Variants in FOCAD observed in about 807,000 individuals in gnomAD.
FOCAD encodes the protein focadhesin.
A neutral mutation model predicts 225.6 loss-of-function variants in FOCAD; 198 were observed. The observed-to-expected ratio is 0.88, with a 90% CI of 0.78 to 0.99. The LOEUF is 0.99. Ranked by LOEUF, FOCAD falls within the 50% of genes least tolerant of loss-of-function variation. FOCAD has a pLI of 0.00. For synonymous variants in FOCAD, 897 were observed against 755.0 expected (o/e 1.19, Z -3.08); for missense variants, 2,713 against 2,123.6 (o/e 1.28, Z -5.46).
In FOCAD at chr9:20,944,617, G is replaced by T; in HGVS notation, c.3408-10G>T. ...ATGATCCTAACATCTTATCTTTTTT[G>T]GCTTCCAAGCACGGGCTGTATATTG... On this transcript the variant is annotated splice_polypyrimidine_tract_variant and intron_variant, in intron 28 of 43. Transcript: ENST00000338382. The T allele has an allele frequency of 2.5e-6, 4 of 1,602,236 alleles. No individual in the cohort carries two copies. The South Asian group carries it at 3.4e-5, about 13-fold the overall frequency.
intron 15 of FOCAD, among the ~76,000 whole-genome samples, chr9:20,843,815 A>G (rs1207391392): frequency 6.6e-6 from 1 of 152,174 alleles, no homozygotes; most frequent in Non-Finnish European, 1.5e-5. Flanking sequence ...AGTGGCTGCC[A>G]CTTAATAAAT....
At chr9:20,666,221 T>C (rs750523983) in intron 2 of FOCAD, among the ~76,000 whole-genome samples, 2 of 152,202 alleles carry the variant, frequency 1.3e-5, no homozygotes, top group East Asian at 1.9e-4. Context: ...CATATTATTA[T>C]GCATTCTATA....
At chr9:20,731,130 CG>C (rs966086896) in intron 4 of FOCAD, among the ~76,000 whole-genome samples, 12 of 152,044 alleles carry the variant, frequency 7.9e-5, no homozygotes, top group Admixed American at 7.9e-4. Context: ...CCCTCCTACT[CG>C]GGAGGCTGAG....
chr9:20,872,133 A>T (rs958737301), intron 18 of FOCAD, among the ~76,000 whole-genome samples: 2 of 152,166 alleles, frequency 1.3e-5, no homozygotes, highest in Admixed American at 1.3e-4. Context: ...GCTAAAATTT[A>T]TGCACATTTG....
At chr9:20,861,396 CT>C (rs1262849286) in intron 15 of FOCAD, among the ~76,000 whole-genome samples, 1 of 152,162 alleles carries the variant, frequency 6.6e-6, no homozygotes, top group African/African-American at 2.4e-5. Context: ...AGAGTTACTT[CT>C]TTGTGTAAAT....
chr9:20,812,470 C>T (rs931307218), intron 11 of FOCAD, among the ~76,000 whole-genome samples: 1 of 151,808 alleles, frequency 6.6e-6, no homozygotes, highest in Non-Finnish European at 1.5e-5. Context: ...TCTTTTTTTG[C>T]AGCCTCATGA....
In FOCAD at chr9:20,813,409, A is replaced by AT. The variant is rs1028330348; in HGVS notation, c.1456-6379dup. On this transcript the variant is annotated intron_variant, in intron 11 of 43. Transcript: ENST00000338382. ...TCGATCATAGAGTAGATTAAAAAAA[A>AT]TTTTTTTTGAGGAACCTTCATGCTG... is the stretch of plus-strand genomic sequence containing the variant. 7.6e-4 allele frequency among the ~76,000 whole-genome samples: 115 copies of AT among 152,064 alleles called. 1 individual carries two copies. The highest frequency in any genetic ancestry group is 1.5e-3 in the Non-Finnish European group (99 of 67,940).
intron 11 of FOCAD, among the ~76,000 whole-genome samples, chr9:20,804,416 G>A (rs1242327231): frequency 6.6e-6 from 1 of 151,990 alleles, no homozygotes; most frequent in East Asian, 1.9e-4. Flanking sequence ...AAGCCGGGGA[G>A]GGTTCAGACA....
intron 19 of FOCAD, among the ~76,000 whole-genome samples, chr9:20,879,613 G>C (rs1830503963): frequency 6.6e-6 from 1 of 152,126 alleles, no homozygotes; most frequent in Non-Finnish European, 1.5e-5. Flanking sequence ...ATTTATGTCT[G>C]ACACTTTGTG....
Position 20,778,645 on chromosome 9 carries a change from CTTTA to C in FOCAD, c.907-35_907-32del. The C allele has an allele frequency of 4.1e-6, 5 of 1,224,700 alleles. No homozygotes were observed. In the Admixed American group the frequency reaches 8.6e-5, roughly 21 times the overall value. The allele number at this position is 1,224,700 out of a possible 1,614,324, so 75.9% of individuals were successfully genotyped here. On this transcript the variant is annotated intron_variant, in intron 8 of 43. Transcript: ENST00000338382. ...TACAAAGCCATGATTCTGGGAACTTCTTTAACAACTCCTTTTTCCCCCTCTATTC... is the reference window on the plus strand; with the variant it reads ...TACAAAGCCATGATTCTGGGAACTTCACAACTCCTTTTTCCCCCTCTATTC...
chr9:20,753,542 T>G (rs1165284245), intron 5 of FOCAD, among the ~76,000 whole-genome samples: 1 of 151,906 alleles, frequency 6.6e-6, no homozygotes, highest in Non-Finnish European at 1.5e-5. Flanking sequence ...CTTTTTGATG[T>G]GCTGCTGGAT....
In FOCAD at chr9:20,971,072, C is replaced by G. The variant is rs559820562; in HGVS notation, c.4133-5348C>G. On this transcript the variant is annotated intron_variant, in intron 35 of 43. Transcript: ENST00000338382. ...GACTTCTCAAAATTGTAAAGTTTGTCTGTCTTCTTTCTCTCTGAAGGCTCT... is the reference window on the plus strand; with the variant it reads ...GACTTCTCAAAATTGTAAAGTTTGTGTGTCTTCTTTCTCTCTGAAGGCTCT... Among the ~76,000 whole-genome samples, 32 of 152,196 alleles carry G rather than the reference C, an allele frequency of 2.1e-4. 2 individuals are homozygous for G. The South Asian group carries it at 6.4e-3, about 31-fold the overall frequency.
Position 20,720,447 on chromosome 9 carries a change from G to C in FOCAD, c.200G>C (p.Cys67Ser), listed in dbSNP as rs1207788018. The change falls in exon 4 of 44, where the codon TGT (cysteine) becomes TCT (serine). Residue 67 changes from cysteine to serine, a missense_variant. Physicochemically the swap from Cys to Ser is moderately radical, Grantham distance 112. Coordinates refer to ENST00000338382, the MANE Select transcript of FOCAD (RefSeq NM_001375567.1). ...SDNVVVRTAC[C>S]EGLVALVAQD... ...AATGTAGTGGTTCGAACAGCCTGCTGTGAAGGTCTGGTGGCACTCGTTGCT... is the reference window on the plus strand; with the variant it reads ...AATGTAGTGGTTCGAACAGCCTGCTCTGAAGGTCTGGTGGCACTCGTTGCT... 2.5e-6 allele frequency: 4 copies of C among 1,614,042 alleles called. No homozygotes were observed. The highest frequency in any genetic ancestry group is 2.2e-5 in the East Asian group (1 of 44,886).
intron 11 of FOCAD, among the ~76,000 whole-genome samples, chr9:20,813,964 T>C (rs1024254457): frequency 1.3e-5 from 2 of 152,228 alleles, no homozygotes; most frequent in Non-Finnish European, 2.9e-5. Context: ...GACCCATTTA[T>C]CATTATATAA....
chr9:20,701,737 TA>T (rs905775627), intron 1 of FOCAD, among the ~76,000 whole-genome samples: 1 of 152,222 alleles, frequency 6.6e-6, no homozygotes, highest in African/African-American at 2.4e-5. Context: ...TAAGTTTAGA[TA>T]AACAATTTTT....
chr9:20,922,835 C>G (rs1834574246), intron 24 of FOCAD, among the ~76,000 whole-genome samples: 1 of 152,168 alleles, frequency 6.6e-6, no homozygotes, highest in Non-Finnish European at 1.5e-5. Context: ...CCTAGAGCAT[C>G]TGATTGGTGT....
intron 23 of FOCAD, among the ~76,000 whole-genome samples, chr9:20,915,312 C>T (rs1299430529): frequency 6.6e-6 from 1 of 152,056 alleles, no homozygotes; most frequent in Non-Finnish European, 1.5e-5. Context: ...AGCCCTGATT[C>T]TATATTTAAA....
At chr9:20,913,593 A>C (rs1350650843) in intron 23 of FOCAD, among the ~76,000 whole-genome samples, 1 of 152,222 alleles carries the variant, frequency 6.6e-6, no homozygotes, top group Non-Finnish European at 1.5e-5. Context: ...AGGTTGCTTT[A>C]ATCTAAAAAT....
chr9:20,974,145 C>G (rs10811443), intron 35 of FOCAD, among the ~76,000 whole-genome samples: 97 of 131,012 alleles, frequency 7.4e-4, no homozygotes, highest in East Asian at 1.1e-3. Flanking sequence ...TCCTATGTTT[C>G]TCCTTTCTGT....
Sources: allele counts gnomAD v4.1 joint callset (sites outside exome capture counted in the v4.1 genomes callset), GRCh38; gene constraint gnomAD v4.1.1; transcripts MANE v1.5; gene names NCBI Gene and HGNC (gene_info 2026-07-23, HGNC 2026-07-21).